Variants in FBH1 observed in about 807,000 individuals in gnomAD.
The protein encoded by FBH1 is DNA 3'-5' helicase 1.
A neutral mutation model predicts 115.5 loss-of-function variants in FBH1; 43 were observed. The ratio of observed to expected loss-of-function variants is 0.37; its 90% CI spans 0.29 to 0.48. FBH1 has a LOEUF of 0.48. Among genes scored for constraint, FBH1 ranks in the 20% least tolerant of loss-of-function variants. The pLI, the probability that FBH1 is intolerant of heterozygous loss-of-function variation, is 0.99. For synonymous variants in FBH1, 524 were observed against 507.8 expected, an observed-to-expected ratio of 1.03 and a Z score of -0.43; for missense variants, 1,001 against 1,337.3, an observed-to-expected ratio of 0.75 and a Z score of 3.92.
chr10:5,908,627 A>T (rs1831359609), intron 3 of FBH1, among the ~76,000 whole-genome samples: 2 of 146,268 alleles, frequency 1.4e-5, no homozygotes, highest in Admixed American at 6.9e-5. Context: ...TTTGAGATGG[A>T]GTCTCACTCT....
intron 6 of FBH1, among the ~76,000 whole-genome samples, chr10:5,912,211 T>G (rs1313334972): frequency 6.6e-6 from 1 of 151,736 alleles, no homozygotes; most frequent in African/African-American, 2.4e-5. Context: ...AATACAAAAA[T>G]TAGCCAGAAA....
chr10:5,903,217 G>T, intron 2 of FBH1, 42 bp downstream of exon 2: 1 of 1,494,202 alleles, frequency 6.7e-7, no homozygotes, highest in South Asian at 1.3e-5. Flanking sequence ...AACCTGTAGT[G>T]TGTGGGTCCT....
rs1832592135 is a variant in FBH1 at position 5,925,530 on chromosome 10, G to A, written c.2722+38G>A. 1.2e-6 allele frequency: 2 copies of A among 1,610,190 alleles called. No individual in the cohort carries two copies. The highest frequency in any genetic ancestry group is 1.7e-5 in the Admixed American group (1 of 59,740). On this transcript the variant is annotated intron_variant, in intron 18 of 20. Transcript: ENST00000362091. This position sits in a 1 kb window ranked among gnomAD's most constrained non-coding sequence, Gnocchi z 4.6. ...CGGGTAGTGTCAGGTGCTGCTGTAT[G>A]TAGTGAGTGGTGACTGGAATGCTTC...
rs1589091579 is a variant in FBH1, at chr10:5,917,600, A to G, written c.1887A>G (p.Lys629=). 6.2e-7 allele frequency: 1 copy of G among 1,612,952 alleles called. No individual in the cohort carries two copies. The highest frequency in any genetic ancestry group is 2.2e-5 in the East Asian group (1 of 44,804). ...CTCTCCTTATTTTAGGCTACTTGAAACTCTGGCAGCTGAGCAAGCCTTCGC... is the reference window on the plus strand; with the variant it reads ...CTCTCCTTATTTTAGGCTACTTGAAGCTCTGGCAGCTGAGCAAGCCTTCGC... The part of the protein sequence containing the change: ...AHQMTHDGYL[K]LWQLSKPSLA... Residue 629 remains lysine (K), a synonymous_variant, in exon 12 of 21, where the codon AAA becomes AAG. Coordinates refer to ENST00000362091, the MANE Select transcript of FBH1 (RefSeq NM_178150.3). The surrounding 1 kb of genome is among the most constrained non-coding windows in gnomAD (Gnocchi z 5.6).
At chr10:5,912,248 C>T (rs933456281) in intron 6 of FBH1, among the ~76,000 whole-genome samples, 4 of 151,894 alleles carry the variant, frequency 2.6e-5, no homozygotes, top group African/African-American at 9.7e-5. Context: ...TCTCTAATCC[C>T]AGCTACTCGG....
Position 5,924,521 on chromosome 10 carries a change from G to T in FBH1, c.2596+13G>T. ...TTGGACTTTGCAGGTAAGGGAAGCA[G>T]TTGGTTTTTACCTTCCCCCTAAGAG... On this transcript the variant is annotated intron_variant, in intron 17 of 20. Transcript: ENST00000362091. This position sits in a 1 kb window ranked among gnomAD's most constrained non-coding sequence, Gnocchi z 6.2. The T allele has an allele frequency of 6.2e-7, 1 of 1,613,020 alleles. No individual in the cohort carries two copies. The highest frequency in any genetic ancestry group is 8.5e-7 in the Non-Finnish European group (1 of 1,179,388).
Position 5,911,317 on chromosome 10 carries a change from G to A in FBH1, c.1211+189G>A, listed in dbSNP as rs867885285. Reference sequence around the variant, plus strand: ...TTGATGTGGAAAGGCTGGTAAGAGCGCCTTATGAACGTGCAGTTCTGAGCG... The same window carrying A: ...TTGATGTGGAAAGGCTGGTAAGAGCACCTTATGAACGTGCAGTTCTGAGCG... On this transcript the variant is annotated intron_variant, in intron 6 of 20. Coordinates refer to ENST00000362091, the MANE Select transcript of FBH1 (RefSeq NM_178150.3). This position sits in a 1 kb window ranked among gnomAD's most constrained non-coding sequence, Gnocchi z 5.4. Among the ~76,000 whole-genome samples, 19 of 152,320 alleles carry A rather than the reference G, an allele frequency of 1.2e-4. No individual in the cohort carries two copies. The highest frequency in any genetic ancestry group is 3.4e-3 in the Middle Eastern group (1 of 294).
At chr10:5,901,076 A>G (rs1466434171) in intron 1 of FBH1, among the ~76,000 whole-genome samples, 1 of 152,180 alleles carries the variant, frequency 6.6e-6, no homozygotes, top group Non-Finnish European at 1.5e-5. Flanking sequence ...CAGCCTAAGC[A>G]ACAGAGGGAG....
rs572696912 is a variant in FBH1, at chr10:5,923,785, C to G, written c.2398+89C>G. 824 of 1,238,178 alleles carry G rather than the reference C, an allele frequency of 6.7e-4. 4 individuals carry two copies. In the Middle Eastern group the frequency reaches 7.3e-3, roughly 11 times the overall value. The allele number at this position is 1,238,178 out of a possible 1,614,324, so 76.7% of individuals were successfully genotyped here. A position where few individuals can be genotyped will look rare whatever the true frequency, so the allele number is the denominator to read the frequency against. ...AGCAGGCCCAGTCTGAGTCAGGGACCCGTTTCCCTCCAGAGAAGGGCGAGC... is the reference window on the plus strand; with the variant it reads ...AGCAGGCCCAGTCTGAGTCAGGGACGCGTTTCCCTCCAGAGAAGGGCGAGC... On this transcript the variant is annotated intron_variant, in intron 16 of 20. Coordinates refer to ENST00000362091, the MANE Select transcript of FBH1 (RefSeq NM_178150.3). This position sits in a 1 kb window ranked among gnomAD's most constrained non-coding sequence, Gnocchi z 5.7.
rs201863753 is a variant in FBH1 at position 5,923,657 on chromosome 10, A to G, written c.2359A>G (p.Ile787Val). The change falls in exon 16 of 21, where the codon ATT (isoleucine) becomes GTT (valine). Residue 787 changes from isoleucine (I) to valine (V), a missense_variant. This residue lies in a region of FBH1 where 521 missense variants were observed against 811.0 expected (regional missense o/e 0.64). Transcript: ENST00000362091. The surrounding 1 kb of genome is among the most constrained non-coding windows in gnomAD (Gnocchi z 5.7). ...ATTTGGATTGGACAGAATCATTGAT[A>G]TTTGGATCCTTCTTCAGCCAGAGGA... ...KSFGLDRIID[I>V]WILLQPEEER... 224 of 1,614,078 alleles carry G rather than the reference A, an allele frequency of 1.4e-4. No individual in the cohort carries two copies. Among genetic ancestry groups the G allele is most frequent in the Non-Finnish European group, 1.6e-4 (188 of 1,180,014 alleles).
At chr10:5,926,396 T>C (rs1023381717) in intron 18 of FBH1, among the ~76,000 whole-genome samples, 2 of 152,244 alleles carry the variant, frequency 1.3e-5, no homozygotes, top group Admixed American at 6.5e-5. Context: ...TAATAGGTGT[T>C]AGCCACCATG....
Position 5,906,728 on chromosome 10 carries a change from T to G in FBH1, c.753+96T>G. On this transcript the variant is annotated intron_variant, in intron 3 of 20. Coordinates refer to ENST00000362091, the MANE Select transcript of FBH1 (RefSeq NM_178150.3). This position sits in a 1 kb window ranked among gnomAD's most constrained non-coding sequence, Gnocchi z 7.3. Reference sequence around the variant, plus strand: ...TCAGAGGATCTTTTCAGAAATGGTTTCCATTTGCCTTCAGAAGACATTCAG... The same window carrying G: ...TCAGAGGATCTTTTCAGAAATGGTTGCCATTTGCCTTCAGAAGACATTCAG... 9.3e-7 allele frequency: 1 copy of G among 1,077,156 alleles called. No homozygotes were observed. Among genetic ancestry groups the G allele is most frequent in the Non-Finnish European group, 1.3e-6 (1 of 752,566 alleles). The allele number at this position is 1,077,156 out of a possible 1,614,324, so 66.7% of individuals were successfully genotyped here.
chr10:5,925,467 G>A lies in FBH1; in HGVS notation c.2697G>A (p.Leu899=), dbSNP rs187027438. 107 of 1,614,122 alleles carry A rather than the reference G, an allele frequency of 6.6e-5. No homozygotes were observed. In the African/African-American group the frequency reaches 9.6e-4, roughly 14 times the overall value. The change falls in exon 18 of 21, where the codon CTG becomes CTA. Residue 899 remains leucine, a synonymous_variant. Coordinates refer to ENST00000362091, the MANE Select transcript of FBH1 (RefSeq NM_178150.3). This position sits in a 1 kb window ranked among gnomAD's most constrained non-coding sequence, Gnocchi z 4.6. ...FVKVPCARHN[L]PQLPHFRVES... ...AAGTGCCTTGTGCCCGGCATAACCT[G>A]CCCCAGCTTCCGCACTTCAGAGTTG...
At chr10:5,934,047 G>T (rs1339857570) in intron 19 of FBH1, among the ~76,000 whole-genome samples, 1 of 152,192 alleles carries the variant, frequency 6.6e-6, no homozygotes, top group African/African-American at 2.4e-5. Flanking sequence ...GGAAGGCCAT[G>T]GGGATAATGA....
At position 5,917,540 on chromosome 10, in the gene FBH1, A is replaced by G. The variant is rs774812409; in HGVS notation, c.1876+33A>G. The G allele has an allele frequency of 1.9e-6, 3 of 1,613,210 alleles. No homozygotes were observed. The highest frequency in any genetic ancestry group is 1.7e-5 in the Admixed American group (1 of 60,026). On this transcript the variant is annotated intron_variant, in intron 11 of 20. Coordinates refer to ENST00000362091, the MANE Select transcript of FBH1 (RefSeq NM_178150.3). The surrounding 1 kb of genome is among the most constrained non-coding windows in gnomAD (Gnocchi z 5.6). ...GCTGCCGAATGGCGGGGACTGGCCA[A>G]TGGGACTGCCTTCCTGGCGTTACAA...
Position 5,936,618 on chromosome 10 carries a change from G to T in FBH1, c.2961+31G>T, listed in dbSNP as rs1161542035. Reference sequence around the variant, plus strand: ...TCTGCTGTCTGTGGAACTTAATTCAGCCATTTGCATTTTTTGCTTGTGAGC... The same window carrying T: ...TCTGCTGTCTGTGGAACTTAATTCATCCATTTGCATTTTTTGCTTGTGAGC... On this transcript the variant is annotated intron_variant, in intron 20 of 20. Transcript: ENST00000362091. This position sits in a 1 kb window ranked among gnomAD's most constrained non-coding sequence, Gnocchi z 5.6. 6.2e-7 allele frequency: 1 copy of T among 1,609,056 alleles called. No homozygotes were observed. The highest frequency in any genetic ancestry group is 2.2e-5 in the East Asian group (1 of 44,686).
intron 1 of FBH1, chr10:5,893,898 T>G: frequency 1.5e-5 from 12 of 785,256 alleles, no homozygotes; most frequent in Non-Finnish European, 1.7e-5. Flanking sequence ...GAAAAAGCCT[T>G]TCAAATATAT....
In FBH1 at chr10:5,897,299, T is replaced by C. The variant is rs1843063674; in HGVS notation, c.2-5721T>C. Among the ~76,000 whole-genome samples, 1 of 152,178 alleles carries C rather than the reference T, an allele frequency of 6.6e-6. No individual in the cohort carries two copies. The highest frequency in any genetic ancestry group is 1.5e-5 in the Non-Finnish European group (1 of 68,020). ...TGGCGATGAATATACCTGCCAAGTG[T>C]GGGTCTTCTCCTGCACCCCACAGCC... On this transcript the variant is annotated intron_variant, in intron 1 of 20. Transcript: ENST00000362091. This position sits in a 1 kb window ranked among gnomAD's most constrained non-coding sequence, Gnocchi z 4.7.
chr10:5,927,409 A>G, intron 18 of FBH1, 26 bp from the exon 19 acceptor site: 1 of 1,555,006 alleles, frequency 6.4e-7, no homozygotes, highest in Non-Finnish European at 8.8e-7. Flanking sequence ...TTTTTAGTTG[A>G]TTTTTTTCCC....
Sources: allele counts gnomAD v4.1 joint callset (sites outside exome capture counted in the v4.1 genomes callset), GRCh38; gene constraint gnomAD v4.1.1; regional missense constraint gnomAD v4.1.1; non-coding constraint Gnocchi (gnomAD v3.1); transcripts MANE v1.5; gene names NCBI Gene and HGNC (gene_info 2026-07-23, HGNC 2026-07-21).